Variants in SERPINI1 observed in about 807,000 individuals in gnomAD.
SERPINI1 encodes the protein neuroserpin.
SERPINI1 carries 19 observed loss-of-function variants against 41.1 expected under a neutral mutation model. The ratio of observed to expected loss-of-function variants is 0.46; its 90% CI spans 0.32 to 0.68. The LOEUF is 0.68. SERPINI1 is among the 30% of genes least tolerant of loss of function. SERPINI1 has a pLI of 0.03. For synonymous variants in SERPINI1, 138 were observed against 156.6 expected (o/e 0.88, Z 0.89); for missense variants, 460 against 479.2 (o/e 0.96, Z 0.37).
intron 1 of SERPINI1, among the ~76,000 whole-genome samples, chr3:167,748,843 T>C (rs1725950958): frequency 6.6e-6 from 1 of 151,824 alleles, no homozygotes; most frequent in Non-Finnish European, 1.5e-5. Context: ...TGCTCTGTTG[T>C]CTTACACTGA....
intron 1 of SERPINI1, among the ~76,000 whole-genome samples, chr3:167,764,689 CT>C (rs1038873959): frequency 6.6e-6 from 1 of 152,214 alleles, no homozygotes; most frequent in Non-Finnish European, 1.5e-5. Context: ...TCAGCATTAA[CT>C]CCAAAGTCCA....
intron 4 of SERPINI1, among the ~76,000 whole-genome samples, chr3:167,793,451 G>A (rs1279730596): frequency 6.6e-6 from 1 of 151,746 alleles, no homozygotes; most frequent in Non-Finnish European, 1.5e-5. Context: ...TAAAAGCACA[G>A]TACAGGCCAG....
intron 1 of SERPINI1, among the ~76,000 whole-genome samples, chr3:167,781,249 G>C (rs978959357): frequency 6.6e-6 from 1 of 151,990 alleles, no homozygotes; most frequent in East Asian, 1.9e-4. Context: ...AGTTAAAGCA[G>C]TGGATTCCAA....
chr3:167,797,668 A>G (rs1727757841), intron 5 of SERPINI1, among the ~76,000 whole-genome samples: 1 of 152,016 alleles, frequency 6.6e-6, no homozygotes, highest in African/African-American at 2.4e-5. Context: ...TTCTGTGACA[A>G]TACATATATG....
chr3:167,785,659 A>T (rs1008724472), intron 1 of SERPINI1, among the ~76,000 whole-genome samples: 2 of 152,216 alleles, frequency 1.3e-5, no homozygotes, highest in Non-Finnish European at 2.9e-5. Context: ...AGTATTCAAA[A>T]ATGTTAACTA....
intron 1 of SERPINI1, among the ~76,000 whole-genome samples, chr3:167,763,933 T>C (rs1726471929): frequency 6.6e-6 from 1 of 152,190 alleles, no homozygotes; most frequent in Non-Finnish European, 1.5e-5. Context: ...CCAAAAGCTA[T>C]TTAATCTAGA....
At chr3:167,799,555 C>T (rs945827012) in intron 5 of SERPINI1, among the ~76,000 whole-genome samples, 1 of 152,148 alleles carries the variant, frequency 6.6e-6, no homozygotes, top group African/African-American at 2.4e-5. Flanking sequence ...TGGGTATATA[C>T]CCAGTAATGG....
chr3:167,771,832 C>T (rs13092424), intron 1 of SERPINI1, among the ~76,000 whole-genome samples: 19,480 of 151,634 alleles, frequency 0.13, 1,501 homozygotes, highest in African/African-American at 0.21. Flanking sequence ...TGTGTGTGTG[C>T]GCGTGTGTGT....
In SERPINI1 at chr3:167,760,348, A is replaced by AATATATAT. The variant is rs35053492; in HGVS notation, c.-19+24538_-19+24545dup. Among the ~76,000 whole-genome samples the AATATATAT allele has an allele frequency of 3.9e-3, 571 of 147,500 alleles. 2 individuals are homozygous for AATATATAT. Among genetic ancestry groups the AATATATAT allele is most frequent in the African/African-American group, 0.013 (541 of 40,180 alleles). On this transcript the variant is annotated intron_variant, in intron 1 of 8. Transcript: ENST00000446050. ...GCTGCCAGCTGGATAACTAATTTCA[A>AATATATAT]ATATATATATATATATATATTCCTG...
Position 167,807,312 on chromosome 3 carries a change from T to A in SERPINI1, c.950T>A (p.Ile317Asn). 6.2e-7 allele frequency: 1 copy of A among 1,611,992 alleles called. No individual in the cohort carries two copies. Among genetic ancestry groups the A allele is most frequent in the South Asian group, 1.1e-5 (1 of 90,956 alleles). Reference protein sequence around the residue: ...LKALGITEIFIKDANLTGLSD... With the variant: ...LKALGITEIFNKDANLTGLSD... ...GCTCTTGGAATAACTGAAATTTTCA[T>A]CAAAGATGCAAATTTGACAGGCCTC... The change falls in exon 6 of 9, where the codon ATC becomes AAC. Residue 317 changes from isoleucine (I) to asparagine (N), a missense_variant. By Grantham distance (149) the Ile-to-Asn change is moderately radical (BLOSUM62 -3). Transcript: ENST00000446050.
At chr3:167,807,459 A>T (rs1002457163) in intron 6 of SERPINI1, 118 bp downstream of exon 6, 4 of 675,108 alleles carry the variant, frequency 5.9e-6, no homozygotes, top group Non-Finnish European at 1.0e-5. Context: ...CCACTTGCCA[A>T]ATAAATCTAG....
intron 1 of SERPINI1, among the ~76,000 whole-genome samples, chr3:167,741,977 A>G (rs1044192561): frequency 2.0e-5 from 3 of 152,166 alleles, no homozygotes; most frequent in Non-Finnish European, 4.4e-5. Context: ...AATCTAAGGC[A>G]ACAAAGTTTG....
intron 1 of SERPINI1, chr3:167,736,088 A>T (rs1725415230): frequency 6.6e-6 from 1 of 152,214 alleles, no homozygotes; most frequent in Non-Finnish European, 1.5e-5. Context: ...ATTGAGAAAA[A>T]TCCTGCTAAT....
intron 1 of SERPINI1, among the ~76,000 whole-genome samples, chr3:167,782,448 A>G (rs1330795701): frequency 6.6e-6 from 1 of 152,098 alleles, no homozygotes; most frequent in African/African-American, 2.4e-5. Context: ...AGTGACAACT[A>G]CTCTTGCTGT....
chr3:167,786,507 CAAAAAAA>C (rs71176662), intron 1 of SERPINI1, among the ~76,000 whole-genome samples: 1 of 75,202 alleles, frequency 1.3e-5, no homozygotes. Flanking sequence ...GACTCCGTCT[CAAAAAAA>C]AAAAAAAAAA....
At chr3:167,806,667 A>G (rs1261729877) in intron 5 of SERPINI1, among the ~76,000 whole-genome samples, 1 of 152,042 alleles carries the variant, frequency 6.6e-6, no homozygotes, top group Non-Finnish European at 1.5e-5. Flanking sequence ...GCTTTCTCTG[A>G]GTTGTAGGGA....
intron 1 of SERPINI1, among the ~76,000 whole-genome samples, chr3:167,736,348 G>C (rs1204553771): frequency 6.6e-6 from 1 of 152,158 alleles, no homozygotes; most frequent in East Asian, 1.9e-4. Context: ...GTGCAGGCAG[G>C]AATAGTCAGG....
At chr3:167,760,590 TGTGTGTGTGTGTGTG>T (rs1179102468) in intron 1 of SERPINI1, among the ~76,000 whole-genome samples, 1 of 150,956 alleles carries the variant, frequency 6.6e-6, no homozygotes, top group Non-Finnish European at 1.5e-5. Context: ...TGTGTGTGTG[TGTGTGTGTGTGTGTG>T]TGTGTCTTAA....
At chr3:167,744,735 A>G (rs1725802331) in intron 1 of SERPINI1, among the ~76,000 whole-genome samples, 2 of 126,722 alleles carry the variant, frequency 1.6e-5, no homozygotes, top group South Asian at 4.3e-4. Flanking sequence ...ATAAATATAT[A>G]TATTATATAT....
Sources: gnomAD v4.1 joint callset for allele counts (sites outside exome capture counted in the v4.1 genomes callset) on GRCh38, gnomAD v4.1.1 for gene constraint, MANE v1.5 for transcripts, NCBI Gene and HGNC (gene_info 2026-07-23, HGNC 2026-07-21) for gene names.